MTCL1: variants seen among roughly 807,000 people sequenced by gnomAD.
The protein encoded by MTCL1 is microtubule cross-linking factor 1.
Under a neutral mutation model 141.4 loss-of-function variants are expected in MTCL1, and 79 were observed. The ratio of observed to expected loss-of-function variants is 0.56; its 90% CI spans 0.47 to 0.67. The LOEUF (loss-of-function observed/expected upper bound fraction) is 0.67. Ranked by LOEUF, MTCL1 falls within the 30% of genes least tolerant of loss-of-function variation. The pLI is 0.00. For synonymous variants in MTCL1, 914 were observed against 875.8 expected (o/e 1.04, Z -0.77); for missense variants, 2,177 against 2,113.9 (o/e 1.03, Z -0.59).
At chr18:8,712,661 A>G (rs913086195), upstream of MTCL1, among the ~76,000 whole-genome samples, 4 of 152,190 alleles carry the variant, frequency 2.6e-5, no homozygotes, top group Admixed American at 6.5e-5. Context: ...GTTAATGTAG[A>G]CAAGGGCTGC....
Position 8,806,960 on chromosome 18 carries a change from G to A in MTCL1, c.2504G>A (p.Arg835Gln), listed in dbSNP as rs372521582. The change falls in exon 11 of 17, where the codon CGG becomes CAG. Residue 835 changes from arginine (R) to glutamine (Q), a missense_variant. Arg to Gln is a conservative substitution (Grantham distance 43, BLOSUM62 1). Transcript: ENST00000359865. ...CTGGAGGACTTCCGTGCGGAGCTGC[G>A]GGAGGATGAGCGTGCCCGACTACGG... 2.0e-5 allele frequency: 32 copies of A among 1,613,564 alleles called. No individual in the cohort carries two copies. In the East Asian group the frequency reaches 2.5e-4, roughly 12 times the overall value.
intron 9 of MTCL1, 135 bp from the exon 9 acceptor site, chr18:8,797,962 T>G: frequency 3.7e-6 from 3 of 815,558 alleles, no homozygotes; most frequent in Non-Finnish European, 5.4e-6. Flanking sequence ...AAAATGAGCA[T>G]TTTAGGGGTA....
At chr18:8,821,053 C>A (rs2076828561) in intron 13 of MTCL1, among the ~76,000 whole-genome samples, 1 of 152,196 alleles carries the variant, frequency 6.6e-6, no homozygotes, top group African/African-American at 2.4e-5. Context: ...CTATCACCTT[C>A]CATCTTTCTC....
intron 9 of MTCL1, among the ~76,000 whole-genome samples, 173 bp downstream of exon 8, chr18:8,796,635 A>G (rs1162609113): frequency 6.6e-6 from 1 of 152,230 alleles, no homozygotes; most frequent in African/African-American, 2.4e-5. Flanking sequence ...AGACACTTAG[A>G]TAAGAGAAAA....
Position 8,718,422 on chromosome 18 carries a change from A to C in MTCL1, c.-27-2A>C. On this transcript the variant is annotated splice_acceptor_variant, in intron 2 of 16. Transcript: ENST00000359865. LOFTEE classifies it low-confidence loss of function (5UTR_SPLICE). ...TAAATCTTCTCTGTCTGATTTGCAT[A>C]GGATGAGTTAGATGAACTCCGTGCT... is the stretch of plus-strand genomic sequence containing the variant. 6.2e-7 allele frequency: 1 copy of C among 1,613,954 alleles called. No homozygotes were observed. Among genetic ancestry groups the C allele is most frequent in the Non-Finnish European group, 8.5e-7 (1 of 1,179,802 alleles).
chr18:8,778,397 T>G lies in MTCL1; in HGVS notation c.417+505T>G, dbSNP rs116027891. Among the ~76,000 whole-genome samples, 334 of 152,388 alleles carry G rather than the reference T, an allele frequency of 2.2e-3. 2 individuals carry two copies. The highest frequency in any genetic ancestry group is 7.3e-3 in the African/African-American group (304 of 41,596). ...GTATTCTTCAAAACTTTCTTAGCTT[T>G]TCTGTAAAGCTGTTTTACTGGATTC... On this transcript the variant is annotated intron_variant, in intron 5 of 16. Transcript: ENST00000359865.
chr18:8,781,525 T>A (rs1406070932), intron 5 of MTCL1, among the ~76,000 whole-genome samples: 2 of 152,170 alleles, frequency 1.3e-5, no homozygotes, highest in African/African-American at 4.8e-5. Flanking sequence ...GGAAAAAGAC[T>A]CTTTACCGGC....
chr18:8,751,010 A>G (rs188187476), intron 4 of MTCL1, among the ~76,000 whole-genome samples: 2 of 152,154 alleles, frequency 1.3e-5, no homozygotes, highest in Admixed American at 1.3e-4. Flanking sequence ...TCGTGCTCCA[A>G]GGAGGAGGAG....
At chr18:8,801,312 C>CTTT (rs34443749) in intron 10 of MTCL1, among the ~76,000 whole-genome samples, 1 of 143,268 alleles carries the variant, frequency 7.0e-6, no homozygotes, top group Non-Finnish European at 1.5e-5. Context: ...ATCTGCCTGA[C>CTTT]TTTTTTTTTT....
exon 6 of MTCL1, chr18:8,784,195 G>A (rs114352059): frequency 3.7e-6 from 6 of 1,613,630 alleles, no homozygotes; most frequent in South Asian, 1.1e-5. Flanking sequence ...AGAACCACGC[G>A]CTGCTGTCCA....
chr18:8,804,986 CAAA>C (rs11347124), intron 10 of MTCL1, among the ~76,000 whole-genome samples: 112 of 115,516 alleles, frequency 9.7e-4, no homozygotes, highest in Middle Eastern at 4.3e-3. Context: ...GACCTTGCCT[CAAA>C]AAAAAAAAAA....
At chr18:8,745,185 A>G (rs1045199783) in intron 4 of MTCL1, among the ~76,000 whole-genome samples, 31 of 152,258 alleles carry the variant, frequency 2.0e-4, no homozygotes, top group African/African-American at 7.2e-4. Flanking sequence ...TGTAAACTAA[A>G]TAATTTAAAG....
Position 8,774,254 on chromosome 18 carries a change from A to ATG in MTCL1, c.358-3559_358-3558dup, listed in dbSNP as rs138724389. 3.7e-3 allele frequency among the ~76,000 whole-genome samples: 561 copies of ATG among 150,124 alleles called. 1 individual carries two copies. Among genetic ancestry groups the ATG allele is most frequent in the South Asian group, 5.5e-3 (26 of 4,710 alleles). ...AAACACATACACACACTCTTTTCGAATGTGTGTGTGTGTGTGTGTGTATTT... is the reference window on the plus strand; with the variant it reads ...AAACACATACACACACTCTTTTCGAATGTGTGTGTGTGTGTGTGTGTGTATTT... On this transcript the variant is annotated intron_variant, in intron 4 of 16. Coordinates refer to ENST00000359865, the Ensembl canonical transcript of MTCL1.
chr18:8,805,725 T>C (rs74437408), intron 10 of MTCL1, among the ~76,000 whole-genome samples: 2,938 of 152,210 alleles, frequency 0.019, 112 homozygotes, highest in Admixed American at 0.099. Context: ...CTATGTCCAG[T>C]GGGACTTAGA....
intron 4 of MTCL1, among the ~76,000 whole-genome samples, chr18:8,725,714 CG>C (rs33977871): frequency 0.41 from 61,287 of 149,984 alleles, 13,388 homozygotes; most frequent in Admixed American, 0.54. Flanking sequence ...ATTATAATTG[CG>C]CATTTTAATT....
At chr18:8,804,826 A>G (rs1467871120) in intron 10 of MTCL1, among the ~76,000 whole-genome samples, 2 of 152,110 alleles carry the variant, frequency 1.3e-5, no homozygotes, top group Non-Finnish European at 2.9e-5. Context: ...CCTTGTTTCT[A>G]CAAAAAATAC....
intron 12 of MTCL1, among the ~76,000 whole-genome samples, chr18:8,818,596 AAG>A (rs1251220194): frequency 1.3e-5 from 2 of 152,236 alleles, no homozygotes; most frequent in Non-Finnish European, 2.9e-5. Flanking sequence ...GGAAGTTCCA[AAG>A]AGAGTTTTAA....
At chr18:8,714,970 T>TG (rs565705329), upstream of MTCL1, among the ~76,000 whole-genome samples, 4 of 152,140 alleles carry the variant, frequency 2.6e-5, no homozygotes, top group East Asian at 1.9e-4. Flanking sequence ...CTAATTTTTT[T>TG]TATTTTTAGT....
chr18:8,748,401 G>A (rs2148941252), intron 4 of MTCL1, among the ~76,000 whole-genome samples: 1 of 152,258 alleles, frequency 6.6e-6, no homozygotes, highest in East Asian at 1.9e-4. Context: ...AAATTAGCCA[G>A]GCATGGTGGC....
Sources: allele counts gnomAD v4.1 joint callset (sites outside exome capture counted in the v4.1 genomes callset), GRCh38; gene constraint gnomAD v4.1.1; transcripts MANE v1.5; gene names NCBI Gene and HGNC (gene_info 2026-07-23, HGNC 2026-07-21).